TRPC4: variants seen among roughly 807,000 people sequenced by gnomAD.
TRPC4 encodes short transient receptor potential channel 4.
TRPC4 carries 49 observed loss-of-function variants against 99.4 expected under a neutral mutation model. The ratio of observed to expected loss-of-function variants is 0.49; its 90% CI spans 0.39 to 0.63. The LOEUF is 0.63. Among genes scored for constraint, TRPC4 ranks in the 20% least tolerant of loss-of-function variants. The pLI is 0.00. For synonymous variants in TRPC4, 454 were observed against 425.9 expected (o/e 1.07, Z -0.81); for missense variants, 898 against 1,152.9 (o/e 0.78, Z 3.20).
At chr13:37,723,072 T>C (rs1217024730) in intron 3 of TRPC4, among the ~76,000 whole-genome samples, 2 of 152,090 alleles carry the variant, frequency 1.3e-5, no homozygotes, top group Non-Finnish European at 2.9e-5. Flanking sequence ...GTGGCCAGAT[T>C]CTCTCTCTCT....
chr13:37,645,340 T>C (rs918751104), intron 8 of TRPC4, among the ~76,000 whole-genome samples: 1 of 152,170 alleles, frequency 6.6e-6, no homozygotes, highest in East Asian at 1.9e-4. Flanking sequence ...GCAGGGAAGA[T>C]TTTGCAGCTA....
In TRPC4 at chr13:37,746,278, C is replaced by G; in HGVS notation, c.556G>C (p.Asp186His). Residue 186 changes from aspartate to histidine, a missense_variant, in exon 3 of 11, where the codon GAT (aspartate) becomes CAT (histidine). Asp to His is a moderately conservative substitution (Grantham distance 81). Around this residue, in one of 3 missense-constraint regions of TRPC4, gnomAD observed 278 missense variants for 346.6 expected, o/e 0.80. Transcript: ENST00000379705. ...CNCVECVSSSDVDSLRHSRSR... is the reference protein window; with the variant it reads ...CNCVECVSSSHVDSLRHSRSR... ...CGTGAGTGACGGAGGCTGTCCACATCTGAACTGGACACGCATTCCACACAG... is the reference window on the plus strand; with the variant it reads ...CGTGAGTGACGGAGGCTGTCCACATGTGAACTGGACACGCATTCCACACAG... 6.2e-7 allele frequency: 1 copy of G among 1,613,870 alleles called. No homozygotes were observed. Among genetic ancestry groups the G allele is most frequent in the Non-Finnish European group, 8.5e-7 (1 of 1,179,882 alleles).
Position 37,827,546 on chromosome 13 carries a change from G to C in TRPC4, c.-28+42049C>G, listed in dbSNP as rs1399310126. Among the ~76,000 whole-genome samples the C allele has an allele frequency of 7.8e-4, 118 of 152,224 alleles. 1 individual carries two copies. In the South Asian group the frequency reaches 0.02, roughly 25 times the overall value. On this transcript the variant is annotated intron_variant, in intron 1 of 10. Coordinates refer to ENST00000379705, the MANE Select transcript of TRPC4 (RefSeq NM_016179.4). ...GTACCCTGCGGTGTGAGGTGTCAGT[G>C]TGCCCCTGCTGGGGGGTGCCTCCCA...
intron 2 of TRPC4, among the ~76,000 whole-genome samples, chr13:37,759,250 G>A (rs1220576702): frequency 6.6e-6 from 1 of 151,760 alleles, no homozygotes; most frequent in Non-Finnish European, 1.5e-5. Flanking sequence ...TTCATCTCCT[G>A]TCATAACAAC....
intron 6 of TRPC4, among the ~76,000 whole-genome samples, chr13:37,661,954 G>A (rs1307220534): frequency 1.3e-5 from 2 of 152,118 alleles, no homozygotes; most frequent in Non-Finnish European, 2.9e-5. Flanking sequence ...GCAGTGGGAA[G>A]ATGTCAAGAC....
At chr13:37,782,757 G>T (rs148508539) in intron 2 of TRPC4, among the ~76,000 whole-genome samples, 199 bp downstream of exon 2, 632 of 151,926 alleles carry the variant, frequency 4.2e-3, no homozygotes, top group Non-Finnish European at 5.8e-3. Flanking sequence ...GGCAGGAAAT[G>T]CAAGTGGACG....
chr13:37,866,456 A>T (rs1959752675), intron 1 of TRPC4, among the ~76,000 whole-genome samples: 1 of 141,540 alleles, frequency 7.1e-6, no homozygotes, highest in Non-Finnish European at 1.6e-5. Flanking sequence ...TAAATACAGC[A>T]CTTAATTTGC....
intron 2 of TRPC4, among the ~76,000 whole-genome samples, chr13:37,782,643 G>C (rs1454207346): frequency 1.3e-5 from 2 of 151,994 alleles, no homozygotes; most frequent in African/African-American, 4.8e-5. Context: ...AAAGTTACGA[G>C]CAACCTATGT....
chr13:37,639,402 A>G (rs1236813109), intron 8 of TRPC4, 103 bp from the exon 9 acceptor site: 2 of 1,276,562 alleles, frequency 1.6e-6, no homozygotes, highest in East Asian at 2.6e-5. Context: ...TTATTTCTTC[A>G]AAGTGGGAGT....
intron 4 of TRPC4, among the ~76,000 whole-genome samples, chr13:37,679,179 A>G (rs989252415): frequency 6.6e-6 from 1 of 152,162 alleles, no homozygotes; most frequent in Non-Finnish European, 1.5e-5. Flanking sequence ...ATGTGTTCCA[A>G]TGAAACTATT....
At chr13:37,639,386 T>G in intron 8 of TRPC4, 87 bp from the exon 9 acceptor site, 5 of 1,380,616 alleles carry the variant, frequency 3.6e-6, no homozygotes, top group Non-Finnish European at 5.0e-6. Context: ...GATAATGTTT[T>G]TATTCTTATT....
intron 3 of TRPC4, among the ~76,000 whole-genome samples, chr13:37,718,483 A>T (rs1954753331): frequency 6.6e-6 from 1 of 152,130 alleles, no homozygotes; most frequent in Non-Finnish European, 1.5e-5. Context: ...GATTTAGCAG[A>T]CATAGACTTT....
chr13:37,723,287 G>A (rs866111619), intron 3 of TRPC4, among the ~76,000 whole-genome samples: 2 of 152,000 alleles, frequency 1.3e-5, no homozygotes, highest in Admixed American at 6.6e-5. Context: ...TGTAAACAAA[G>A]CATTGATATT....
At chr13:37,854,940 T>C (rs1593324985) in intron 1 of TRPC4, 2 of 151,836 alleles carry the variant, frequency 1.3e-5, no homozygotes, top group Admixed American at 6.6e-5. Context: ...TCAGATGAGA[T>C]TGGGTGAATT....
At chr13:37,682,922 C>CTTTT (rs35740848) in intron 4 of TRPC4, among the ~76,000 whole-genome samples, 3 of 109,338 alleles carry the variant, frequency 2.7e-5, no homozygotes, top group Non-Finnish European at 3.7e-5. Flanking sequence ...GCCCAGCTAT[C>CTTTT]TTTTTTTTTT....
chr13:37,777,081 C>CA (rs1354998078), intron 2 of TRPC4, among the ~76,000 whole-genome samples: 1 of 151,480 alleles, frequency 6.6e-6, no homozygotes, highest in South Asian at 2.1e-4. Flanking sequence ...CTACATATGT[C>CA]AAAAAAAATC....
At chr13:37,762,284 T>C (rs1175833166) in intron 2 of TRPC4, among the ~76,000 whole-genome samples, 3 of 151,882 alleles carry the variant, frequency 2.0e-5, no homozygotes, top group African/African-American at 7.2e-5. Flanking sequence ...GACTTTTTGT[T>C]CAACCATTGT....
intron 4 of TRPC4, among the ~76,000 whole-genome samples, chr13:37,691,483 G>A (rs903923795): frequency 5.3e-5 from 8 of 152,096 alleles, no homozygotes; most frequent in African/African-American, 1.7e-4. Context: ...AACTTTCTAT[G>A]ACAAGAACAA....
intron 2 of TRPC4, among the ~76,000 whole-genome samples, chr13:37,760,731 C>T (rs546310617): frequency 1.3e-5 from 2 of 151,884 alleles, no homozygotes; most frequent in South Asian, 2.1e-4. Flanking sequence ...AAAATAATCT[C>T]ATCAGCTATT....
Sources: allele counts gnomAD v4.1 joint callset (sites outside exome capture counted in the v4.1 genomes callset), GRCh38; gene constraint gnomAD v4.1.1; regional missense constraint gnomAD v4.1.1; transcripts MANE v1.5; gene names NCBI Gene and HGNC (gene_info 2026-07-23, HGNC 2026-07-21).